ZNF675: variants seen among roughly 807,000 people sequenced by gnomAD.
The protein encoded by ZNF675 is zinc finger protein 675.
ZNF675 carries 36 observed loss-of-function variants against 56.1 expected under a neutral mutation model. The observed-to-expected ratio is 0.64, with a 90% confidence interval of 0.49 to 0.85. ZNF675 has a LOEUF of 0.85. ZNF675 is among the 40% of genes least tolerant of loss of function. The probability of loss-of-function intolerance (pLI) is 0.00; values close to 1 mark genes in which losing one functional copy is unlikely to be tolerated. For synonymous variants in ZNF675, 200 were observed against 218.9 expected (o/e 0.91, Z 0.76); for missense variants, 663 against 654.2 (o/e 1.01, Z -0.15).
At chr19:23,686,094 G>C (rs1327614852) in intron 1 of ZNF675, 1 of 152,090 alleles carries the variant, frequency 6.6e-6, no homozygotes, top group Non-Finnish European at 1.5e-5. Context: ...TACATAACCA[G>C]GAAATGTCCA....
chr19:23,659,778 G>A (rs1401485120), intron 3 of ZNF675, among the ~76,000 whole-genome samples: 2 of 152,102 alleles, frequency 1.3e-5, no homozygotes, highest in Admixed American at 6.6e-5. Context: ...AAGTCTGGGA[G>A]AGATTCTGCT....
Position 23,668,945 on chromosome 19 carries a change from C to T in ZNF675, c.4-5787G>A, listed in dbSNP as rs553328216. 7.1e-4 allele frequency among the ~76,000 whole-genome samples: 108 copies of T among 152,314 alleles called. No homozygotes were observed. The Middle Eastern group carries it at 0.01, about 14-fold the overall frequency. On this transcript the variant is annotated intron_variant, in intron 1 of 3. Transcript: ENST00000359788. Reference sequence around the variant, plus strand: ...CCCTACAAGCTGAGGGAGTCGGCTCCGGCCTTGGCCAGCCCAGAAAGGGGC... The same window carrying T: ...CCCTACAAGCTGAGGGAGTCGGCTCTGGCCTTGGCCAGCCCAGAAAGGGGC...
rs750128455 is a variant in ZNF675 at position 23,653,883 on chromosome 19, G to A, written c.1050C>T (p.Asn350=). The change falls in exon 4 of 4, where the codon AAC becomes AAT. Residue 350 remains asparagine (N), a synonymous_variant. Transcript: ENST00000359788. The stretch of plus-strand genomic sequence containing the variant: ...TATGTTCAGTAAGTTTTGAGGATCG[G>A]TTAAAAGCTTTTCCACATTCTTCAC... ...YKCEECGKAF[N]RSSKLTEHKN... is the part of the protein sequence containing the mutation. 1.2e-6 allele frequency: 2 copies of A among 1,613,688 alleles called. No individual in the cohort carries two copies. The highest frequency in any genetic ancestry group is 1.7e-5 in the Admixed American group (1 of 59,986).
chr19:23,662,769 C>A (rs1450762031), intron 2 of ZNF675, among the ~76,000 whole-genome samples: 2 of 152,118 alleles, frequency 1.3e-5, no homozygotes, highest in Non-Finnish European at 2.9e-5. Context: ...CATCTGAGGT[C>A]ACGAGTTCGA....
chr19:23,685,818 T>G (rs1227095968), intron 1 of ZNF675, among the ~76,000 whole-genome samples: 3 of 152,170 alleles, frequency 2.0e-5, no homozygotes, highest in Non-Finnish European at 4.4e-5. Flanking sequence ...AGTATTTTAC[T>G]GCAAGTCATA....
At chr19:23,666,278 A>G (rs1357474137) in intron 1 of ZNF675, among the ~76,000 whole-genome samples, 1 of 152,222 alleles carries the variant, frequency 6.6e-6, no homozygotes, top group African/African-American at 2.4e-5. Flanking sequence ...TAAAAGTGAC[A>G]CTTTGTAACT....
In ZNF675 at chr19:23,675,155, AAGC is replaced by A. The variant is rs1968280165; in HGVS notation, c.3+11873_3+11875del. On this transcript the variant is annotated intron_variant, in intron 1 of 3. Coordinates refer to ENST00000359788, the MANE Select transcript of ZNF675 (RefSeq NM_138330.3). ...CTTGAAAGAATGTTTATGGGGAAAA[AAGC>A]AGAAGAGAAAAAGGTGCTATAAAAA... 2.0e-5 allele frequency among the ~76,000 whole-genome samples: 3 copies of A among 151,750 alleles called. No homozygotes were observed. In the South Asian group the frequency reaches 6.2e-4, roughly 31 times the overall value.
Position 23,663,135 on chromosome 19 carries a change from C to A in ZNF675, c.27G>T (p.Val9=). 6.2e-7 allele frequency: 1 copy of A among 1,609,882 alleles called. No homozygotes were observed. The change falls in exon 2 of 4, where the codon GTG becomes GTT. Residue 9 remains valine, a synonymous_variant. Coordinates refer to ENST00000359788, the MANE Select transcript of ZNF675 (RefSeq NM_138330.3). MGLLTFRD[V]AIEFSLEEWQ... ...ATTCTTCCAGAGAGAATTCTATGGC[C>A]ACATCCCTAAATGTCAACAGTCCCT...
At chr19:23,665,103 G>A (rs1968132211) in intron 1 of ZNF675, among the ~76,000 whole-genome samples, 1 of 151,974 alleles carries the variant, frequency 6.6e-6, no homozygotes, top group African/African-American at 2.4e-5. Flanking sequence ...TCAGCACTTT[G>A]GGAGGCCAAG....
intron 1 of ZNF675, among the ~76,000 whole-genome samples, chr19:23,683,429 C>T (rs1968402356): frequency 6.7e-6 from 1 of 148,594 alleles, no homozygotes; most frequent in African/African-American, 2.6e-5. Flanking sequence ...ATTTTTACAG[C>T]CAAAAAGGAA....
Position 23,653,246 on chromosome 19 carries a change from G to A in ZNF675, c.1687C>T (p.Leu563=), listed in dbSNP as rs1438065225. Residue 563 remains leucine, a synonymous_variant, in exon 4 of 4, where the codon CTA becomes TTA. Transcript: ENST00000359788. ...CATTATCACACATTCCAGTTCTGTA[G>A]TTTCTCTCCAGTATGTATTTTTTTA... The part of the protein sequence containing the change: ...KHKKIHTGEK[L]QNWNV 6.2e-7 allele frequency: 1 copy of A among 1,601,816 alleles called. No individual in the cohort carries two copies. Among genetic ancestry groups the A allele is most frequent in the African/African-American group, 1.3e-5 (1 of 74,272 alleles).
chr19:23,670,015 A>G (rs536717959), intron 1 of ZNF675, among the ~76,000 whole-genome samples: 2 of 152,112 alleles, frequency 1.3e-5, no homozygotes, highest in South Asian at 2.1e-4. Flanking sequence ...GTCTGGGCCA[A>G]GAAGTTTTCC....
chr19:23,657,664 C>T (rs1031545917), intron 3 of ZNF675, among the ~76,000 whole-genome samples: 6 of 152,084 alleles, frequency 3.9e-5, no homozygotes, highest in African/African-American at 4.8e-5. Context: ...TTGCAGTGGG[C>T]GGAGATCACA....
intron 1 of ZNF675, among the ~76,000 whole-genome samples, chr19:23,670,638 C>T (rs571407974): frequency 2.0e-5 from 3 of 152,218 alleles, no homozygotes; most frequent in African/African-American, 7.2e-5. Context: ...GTATTGAACT[C>T]TCTCTCCAGC....
chr19:23,685,910 T>C (rs1968021), intron 1 of ZNF675, among the ~76,000 whole-genome samples: 147,821 of 152,214 alleles, frequency 0.97, 71,940 homozygotes, highest in Middle Eastern at 1. Context: ...AAAATCAGTC[T>C]CCTGTGGAGT....
intron 1 of ZNF675, among the ~76,000 whole-genome samples, chr19:23,672,836 C>G (rs565617201): frequency 3.8e-4 from 58 of 152,304 alleles, no homozygotes; most frequent in Non-Finnish European, 7.9e-4. Flanking sequence ...TTGCTTACCA[C>G]CAGTTACAAG....
At chr19:23,682,379 G>C (rs944353038) in intron 1 of ZNF675, among the ~76,000 whole-genome samples, 3 of 151,708 alleles carry the variant, frequency 2.0e-5, no homozygotes, top group Non-Finnish European at 4.4e-5. Flanking sequence ...ACTTCCTCCT[G>C]TTGCAATACT....
At position 23,654,469 on chromosome 19, in the gene ZNF675, T is replaced by G. The variant is rs1967955569; in HGVS notation, c.464A>C (p.Lys155Thr). 1 of 1,601,938 alleles carries G rather than the reference T, an allele frequency of 6.2e-7. No homozygotes were observed. Among genetic ancestry groups the G allele is most frequent in the Non-Finnish European group, 8.5e-7 (1 of 1,175,554 alleles). ...QCDKYVKVFN[K>T]FSHSDRHKIK... Reference sequence around the variant, plus strand: ...CTTATGTCTATCTGAATGTGAAAATTTATTAAAGACTTTCACATATTTATC... The same window carrying G: ...CTTATGTCTATCTGAATGTGAAAATGTATTAAAGACTTTCACATATTTATC... Residue 155 changes from lysine to threonine, a missense_variant, in exon 4 of 4, where the codon AAA (lysine) becomes ACA (threonine). Transcript: ENST00000359788.
intron 1 of ZNF675, among the ~76,000 whole-genome samples, chr19:23,669,008 T>A (rs1314132166): frequency 6.6e-6 from 1 of 152,176 alleles, no homozygotes; most frequent in African/African-American, 2.4e-5. Context: ...GCTCCTCAAG[T>A]GCCGCCAAAG....
Sources: allele counts gnomAD v4.1 joint callset (sites outside exome capture counted in the v4.1 genomes callset), GRCh38; gene constraint gnomAD v4.1.1; transcripts MANE v1.5; gene names NCBI Gene and HGNC (gene_info 2026-07-23, HGNC 2026-07-21).